PRKCA: variants seen among roughly 807,000 people sequenced by gnomAD.
PRKCA encodes the protein protein kinase C alpha type.
Under a neutral mutation model 87.0 loss-of-function variants are expected in PRKCA, and 27 were observed. The observed-to-expected ratio is 0.31, with a 90% CI of 0.23 to 0.43. The LOEUF (loss-of-function observed/expected upper bound fraction) is 0.43. PRKCA is among the 20% of genes least tolerant of loss of function. The pLI is 1.00. For synonymous variants in PRKCA, 329 were observed against 311.1 expected (o/e 1.06, Z -0.61); for missense variants, 518 against 852.3 (o/e 0.61, Z 4.88).
In PRKCA at chr17:66,745,794, A is replaced by G. The variant is rs377214282; in HGVS notation, c.1524+3034A>G. 7.2e-5 allele frequency among the ~76,000 whole-genome samples: 11 copies of G among 152,342 alleles called. No individual in the cohort carries two copies. The East Asian group carries it at 2.1e-3, about 29-fold the overall frequency. ...TTCAGATGAAGTGACAGAGGTGGTTAGTAACGTGTCTAAGGCCACGTTACT... is the reference window on the plus strand; with the variant it reads ...TTCAGATGAAGTGACAGAGGTGGTTGGTAACGTGTCTAAGGCCACGTTACT... On this transcript the variant is annotated intron_variant, in intron 13 of 16. Coordinates refer to ENST00000413366, the MANE Select transcript of PRKCA (RefSeq NM_002737.3).
intron 2 of PRKCA, among the ~76,000 whole-genome samples, chr17:66,365,387 G>T (rs1172974895): frequency 6.6e-6 from 1 of 152,154 alleles, no homozygotes; most frequent in African/African-American, 2.4e-5. Flanking sequence ...AAAGGAGAGG[G>T]TGTGAGTAGA....
chr17:66,772,647 TA>T (rs1288717195), intron 13 of PRKCA, among the ~76,000 whole-genome samples: 1 of 152,170 alleles, frequency 6.6e-6, no homozygotes, highest in African/African-American at 2.4e-5. Context: ...GTACACAGCG[TA>T]CCTGAGAGGT....
At chr17:66,616,194 A>G (rs576513543) in intron 3 of PRKCA, among the ~76,000 whole-genome samples, 2 of 152,352 alleles carry the variant, frequency 1.3e-5, no homozygotes, top group Admixed American at 1.3e-4. Flanking sequence ...TCTAGGAAGA[A>G]TGAAATAGTA....
chr17:66,352,787 C>T (rs1163862127), intron 2 of PRKCA, among the ~76,000 whole-genome samples: 2 of 151,756 alleles, frequency 1.3e-5, no homozygotes, highest in African/African-American at 4.8e-5. Context: ...TGGTCTTGAA[C>T]TCCTGACCTT....
chr17:66,729,943 A>T (rs887158949), intron 8 of PRKCA, among the ~76,000 whole-genome samples: 1 of 152,062 alleles, frequency 6.6e-6, no homozygotes, highest in African/African-American at 2.4e-5. Flanking sequence ...GGCATGTGCC[A>T]CCATGCCCAG....
chr17:66,417,092 G>T (rs1271010444), intron 2 of PRKCA, among the ~76,000 whole-genome samples: 3 of 152,078 alleles, frequency 2.0e-5, no homozygotes, highest in South Asian at 2.1e-4. Flanking sequence ...AGAGATGGGG[G>T]TTTTGCCATG....
intron 2 of PRKCA, among the ~76,000 whole-genome samples, chr17:66,414,012 CAAAAA>C (rs5821528): frequency 8.5e-6 from 1 of 118,314 alleles, no homozygotes. Context: ...GACTGCATCT[CAAAAA>C]AAAAAAAAAA....
chr17:66,430,242 G>A (rs1567824798), intron 2 of PRKCA, among the ~76,000 whole-genome samples: 1 of 152,020 alleles, frequency 6.6e-6, no homozygotes, highest in Non-Finnish European at 1.5e-5. Flanking sequence ...AGTCCCTGGA[G>A]CCTCTAGGCT....
chr17:66,359,377 A>T (rs1451991780), intron 2 of PRKCA, among the ~76,000 whole-genome samples: 3 of 152,164 alleles, frequency 2.0e-5, no homozygotes, highest in African/African-American at 7.2e-5. Context: ...AAAAATTATC[A>T]GTTTCTTAGT....
chr17:66,490,870 C>T (rs1330381636), intron 2 of PRKCA, among the ~76,000 whole-genome samples: 10 of 152,306 alleles, frequency 6.6e-5, no homozygotes, highest in Admixed American at 4.6e-4. Flanking sequence ...TGTGACCCAC[C>T]GCTCCTGGCT....
intron 2 of PRKCA, among the ~76,000 whole-genome samples, chr17:66,322,829 T>C (rs1359112061): frequency 2.0e-5 from 3 of 152,082 alleles, no homozygotes; most frequent in Non-Finnish European, 4.4e-5. Context: ...CTGAATTTCA[T>C]TGTAAAATAA....
intron 14 of PRKCA, 137 bp downstream of exon 14, chr17:66,774,204 A>T: frequency 6.5e-7 from 1 of 1,534,478 alleles, no homozygotes; most frequent in Non-Finnish European, 8.8e-7. Context: ...CAGGCGAAAG[A>T]GGGAGAAACG....
intron 2 of PRKCA, among the ~76,000 whole-genome samples, chr17:66,461,894 C>T (rs1283194363): frequency 7.3e-6 from 1 of 136,686 alleles, no homozygotes; most frequent in Non-Finnish European, 1.6e-5. Context: ...GGGTTCCTAA[C>T]TACCGAGGAG....
rs1968734555 is a variant in PRKCA, at chr17:66,562,259, A to G, written c.288+65976A>G. 1.4e-5 allele frequency among the ~76,000 whole-genome samples: 2 copies of G among 148,028 alleles called. 1 individual carries two copies. Among genetic ancestry groups the G allele is most frequent in the African/African-American group, 4.9e-5 (2 of 40,672 alleles). On this transcript the variant is annotated intron_variant, in intron 3 of 16. Coordinates refer to ENST00000413366, the MANE Select transcript of PRKCA (RefSeq NM_002737.3). ...ATATATATCTCACCACAATAAAAAA[A>G]AAAGTAAAACATAACAAAAGAATAG...
At chr17:66,341,226 A>G (rs949289530) in intron 2 of PRKCA, among the ~76,000 whole-genome samples, 28 of 152,276 alleles carry the variant, frequency 1.8e-4, no homozygotes, top group African/African-American at 6.5e-4. Flanking sequence ...GGCAAGCCTC[A>G]CCATTTCTTC....
intron 2 of PRKCA, among the ~76,000 whole-genome samples, chr17:66,409,650 C>T (rs1454365427): frequency 6.6e-6 from 1 of 152,198 alleles, no homozygotes; most frequent in African/African-American, 2.4e-5. Context: ...AGACTCAGGG[C>T]TGGGCGCGGT....
intron 2 of PRKCA, among the ~76,000 whole-genome samples, chr17:66,483,081 C>T (rs1273199903): frequency 6.6e-6 from 1 of 152,196 alleles, no homozygotes; most frequent in Non-Finnish European, 1.5e-5. Flanking sequence ...GGAAGAATGC[C>T]TTGAATCCCG....
chr17:66,663,005 A>G (rs1050554305), intron 5 of PRKCA, among the ~76,000 whole-genome samples: 1 of 152,180 alleles, frequency 6.6e-6, no homozygotes, highest in Admixed American at 6.5e-5. Flanking sequence ...ACAGTTCTGT[A>G]ATGGGATAGC....
At chr17:66,472,823 T>G (rs1249816670) in intron 2 of PRKCA, among the ~76,000 whole-genome samples, 7 of 152,086 alleles carry the variant, frequency 4.6e-5, no homozygotes, top group African/African-American at 1.7e-4. Context: ...TTTTCCATTT[T>G]CAGAGAAATC....
Sources: gnomAD v4.1 joint callset for allele counts (sites outside exome capture counted in the v4.1 genomes callset) on GRCh38, gnomAD v4.1.1 for gene constraint, MANE v1.5 for transcripts, NCBI Gene and HGNC (gene_info 2026-07-23, HGNC 2026-07-21) for gene names.